The following NCAM2 variants were observed in gnomAD, a reference collection of about 807,000 sequenced individuals.
NCAM2 encodes the protein neural cell adhesion molecule 2.
A neutral mutation model predicts 98.1 loss-of-function variants in NCAM2; 30 were observed. The observed-to-expected ratio is 0.31, with a 90% CI of 0.23 to 0.41. The LOEUF (loss-of-function observed/expected upper bound fraction) is 0.41. NCAM2 is among the 10% of genes least tolerant of loss of function. The pLI is 1.00. For missense variants in NCAM2, 867 were observed against 1,005.8 expected (o/e 0.86, Z 1.87); for synonymous variants, 368 against 342.4 (o/e 1.07, Z -0.83).
intron 15 of NCAM2, among the ~76,000 whole-genome samples, chr21:21,483,833 T>C (rs1216860566): frequency 6.6e-6 from 1 of 152,148 alleles, no homozygotes; most frequent in African/African-American, 2.4e-5. Flanking sequence ...GTGACATATG[T>C]CTGGAGTTTG....
At chr21:21,126,748 A>T (rs2066834231) in intron 1 of NCAM2, among the ~76,000 whole-genome samples, 1 of 152,068 alleles carries the variant, frequency 6.6e-6, no homozygotes, top group Non-Finnish European at 1.5e-5. Flanking sequence ...AATCAAATAA[A>T]ATATCAGTGT....
chr21:21,090,313 C>CT (rs35744231), intron 1 of NCAM2, among the ~76,000 whole-genome samples: 4 of 151,912 alleles, frequency 2.6e-5, no homozygotes, highest in Non-Finnish European at 4.4e-5. Flanking sequence ...TCTAATTCAG[C>CT]TTTTTTTTAA....
intron 12 of NCAM2, among the ~76,000 whole-genome samples, chr21:21,464,571 A>G (rs1011002790): frequency 6.6e-6 from 1 of 152,142 alleles, no homozygotes; most frequent in African/African-American, 2.4e-5. Context: ...GATTGTAAAC[A>G]TTGAGGAAAA....
intron 5 of NCAM2, among the ~76,000 whole-genome samples, chr21:21,323,182 C>T (rs768730074): frequency 3.3e-5 from 5 of 152,052 alleles, no homozygotes; most frequent in Non-Finnish European, 7.4e-5. Context: ...GGAAGAAAAA[C>T]AGGGTACAGA....
chr21:21,388,078 C>A (rs553003107), intron 9 of NCAM2, among the ~76,000 whole-genome samples: 1 of 152,292 alleles, frequency 6.6e-6, no homozygotes, highest in South Asian at 2.1e-4. Context: ...TCCAGTAACA[C>A]ATATAACCAG....
At chr21:21,400,646 TGCAATCTTGGCTCACTGCAACCTCCA>T (rs2076607671) in intron 9 of NCAM2, among the ~76,000 whole-genome samples, 1 of 151,198 alleles carries the variant, frequency 6.6e-6, no homozygotes, top group Admixed American at 6.6e-5. Context: ...AGTGCACTGA[TGCAATCTTGGCTCACTGCAACCTCCA>T]TCTCCTAGGT....
At chr21:21,483,973 A>C (rs1986122532) in intron 15 of NCAM2, among the ~76,000 whole-genome samples, 1 of 152,120 alleles carries the variant, frequency 6.6e-6, no homozygotes, top group Non-Finnish European at 1.5e-5. Context: ...TTTATTAAAT[A>C]TATCCTAAGA....
At chr21:21,214,447 C>T (rs1456082978) in intron 1 of NCAM2, among the ~76,000 whole-genome samples, 1 of 151,932 alleles carries the variant, frequency 6.6e-6, no homozygotes, top group East Asian at 1.9e-4. Context: ...GGATAATTGG[C>T]CAATTAACTG....
chr21:21,015,182 A>T (rs1257196060), intron 1 of NCAM2, among the ~76,000 whole-genome samples: 1 of 151,804 alleles, frequency 6.6e-6, no homozygotes, highest in African/African-American at 2.4e-5. Flanking sequence ...AGAATATTAC[A>T]TACACTTAGT....
At position 21,315,114 on chromosome 21, in the gene NCAM2, C is replaced by G. The variant is rs188501405; in HGVS notation, c.620-9269C>G. Among the ~76,000 whole-genome samples the G allele has an allele frequency of 7.2e-3, 1,095 of 152,232 alleles. 13 individuals are homozygous for G. The highest frequency in any genetic ancestry group is 0.013 in the South Asian group (65 of 4,820). On this transcript the variant is annotated intron_variant, in intron 5 of 17. Coordinates refer to ENST00000400546, the MANE Select transcript of NCAM2 (RefSeq NM_004540.5). The stretch of plus-strand genomic sequence containing the variant: ...CAATCAGTTTGTTTAGATCAGACAA[C>G]AAATTCTGACCATCTTTCTTGGTTT...
intron 15 of NCAM2, among the ~76,000 whole-genome samples, chr21:21,496,510 T>A (rs960485695): frequency 6.6e-6 from 1 of 152,120 alleles, no homozygotes; most frequent in Admixed American, 6.6e-5. Context: ...TTCTGGATAA[T>A]AGACCTTTGT....
At chr21:21,143,504 C>A (rs1262372616) in intron 1 of NCAM2, among the ~76,000 whole-genome samples, 1 of 152,124 alleles carries the variant, frequency 6.6e-6, no homozygotes, top group African/African-American at 2.4e-5. Context: ...GGTTTTCCCT[C>A]TCCCACTTGT....
chr21:21,353,293 C>T (rs894330206), intron 8 of NCAM2, among the ~76,000 whole-genome samples: 2 of 152,092 alleles, frequency 1.3e-5, no homozygotes, highest in African/African-American at 4.8e-5. Context: ...AGTCTTCTAC[C>T]CTTAGTTGTC....
At chr21:21,493,597 T>C (rs995598835) in intron 15 of NCAM2, among the ~76,000 whole-genome samples, 10 of 151,888 alleles carry the variant, frequency 6.6e-5, no homozygotes, top group African/African-American at 2.4e-4. Flanking sequence ...ATACTTGGTG[T>C]TGTACATTTT....
chr21:21,530,971 AC>A (rs1422716679), intron 16 of NCAM2, among the ~76,000 whole-genome samples: 156 of 152,212 alleles, frequency 1.0e-3, no homozygotes, highest in Middle Eastern at 3.4e-3. Context: ...ATTAAATATC[AC>A]CAATTTATTT....
chr21:21,150,977 AATATAT>A (rs869246718), intron 1 of NCAM2, among the ~76,000 whole-genome samples: 3 of 101,370 alleles, frequency 3.0e-5, no homozygotes, highest in Admixed American at 2.3e-4. Context: ...AGATTTTAAA[AATATAT>A]ATATATTTTT....
intron 1 of NCAM2, chr21:21,226,687 T>C (rs527565708): frequency 2.0e-4 from 31 of 152,208 alleles, no homozygotes; most frequent in African/African-American, 6.7e-4. Flanking sequence ...TGATTGTTAT[T>C]CACAAAGGAC....
chr21:21,319,511 C>G (rs765395049), intron 5 of NCAM2, among the ~76,000 whole-genome samples: 2 of 152,098 alleles, frequency 1.3e-5, no homozygotes, highest in South Asian at 4.2e-4. Context: ...CATGATGGCG[C>G]GTGCCTGTAG....
chr21:21,439,509 A>G (rs1003762175), intron 12 of NCAM2, among the ~76,000 whole-genome samples: 11 of 152,174 alleles, frequency 7.2e-5, no homozygotes, highest in African/African-American at 2.7e-4. Context: ...AACTTATTTC[A>G]GTTTGGTAGA....
Sources: allele counts gnomAD v4.1 joint callset (sites outside exome capture counted in the v4.1 genomes callset), GRCh38; gene constraint gnomAD v4.1.1; transcripts MANE v1.5; gene names NCBI Gene and HGNC (gene_info 2026-07-23, HGNC 2026-07-21).